The following BAIAP2 variants were observed in gnomAD, a reference collection of about 807,000 sequenced individuals.
BAIAP2 encodes the protein BAR/IMD domain-containing adapter protein 2.
BAIAP2 carries 18 observed loss-of-function variants against 63.0 expected under a neutral mutation model. That is an observed-to-expected ratio of 0.29 (90% CI 0.20 to 0.42). BAIAP2 has a LOEUF of 0.42. Ranked by LOEUF, BAIAP2 falls within the 10% of genes least tolerant of loss-of-function variation. The probability of loss-of-function intolerance (pLI) is 1.00; values close to 1 mark genes in which losing one functional copy is unlikely to be tolerated. For missense variants in BAIAP2, 610 were observed against 734.3 expected, an observed-to-expected ratio of 0.83 and a Z score of 1.96; for synonymous variants, 386 against 307.6, an observed-to-expected ratio of 1.25 and a Z score of -2.67.
intron 2 of BAIAP2, among the ~76,000 whole-genome samples, chr17:81,056,209 A>C (rs962386145): frequency 2.6e-5 from 4 of 152,188 alleles, no homozygotes; most frequent in African/African-American, 9.7e-5. Context: ...ATCTCTAGGC[A>C]CAGCACACGA....
chr17:81,068,281 T>C (rs1598614149), intron 3 of BAIAP2, among the ~76,000 whole-genome samples: 2 of 152,190 alleles, frequency 1.3e-5, no homozygotes, highest in South Asian at 4.1e-4. Context: ...TCCTGGTCAA[T>C]AATCAGTGAG....
chr17:81,050,310 C>T (rs1598522736), intron 1 of BAIAP2, among the ~76,000 whole-genome samples: 1 of 152,260 alleles, frequency 6.6e-6, no homozygotes, highest in East Asian at 1.9e-4. Context: ...CCGCCCCTCT[C>T]TTGCAGATGG....
Position 81,116,763 on chromosome 17 carries a change from T to C in BAIAP2, c.*924T>C, listed in dbSNP as rs913120818. The C allele has an allele frequency of 1.1e-5, 2 of 182,586 alleles. No homozygotes were observed. The highest frequency in any genetic ancestry group is 4.7e-5 in the African/African-American group (2 of 42,968). 11.3% of individuals were successfully genotyped at this position (182,586 alleles called of 1,614,324 possible). A position where few individuals can be genotyped will look rare whatever the true frequency, so the allele number is the denominator to read the frequency against. ...CTGTTTGTTTGTTTGTTAGGTGAAA[T>C]ACAGTGTGGTGAGCTGCACTGGTGA... On this transcript the variant is annotated 3_prime_UTR_variant, in exon 14 of 14. Coordinates refer to ENST00000428708, the MANE Select transcript of BAIAP2 (RefSeq NM_001144888.2).
At chr17:81,092,777 C>T (rs1047104303) in intron 6 of BAIAP2, among the ~76,000 whole-genome samples, 1 of 152,168 alleles carries the variant, frequency 6.6e-6, no homozygotes, top group Non-Finnish European at 1.5e-5. Flanking sequence ...TGCTGACAGA[C>T]GTGCCCGTCT....
chr17:81,091,491 C>G (rs1002100116), intron 6 of BAIAP2, among the ~76,000 whole-genome samples: 1 of 152,136 alleles, frequency 6.6e-6, no homozygotes, highest in African/African-American at 2.4e-5. Flanking sequence ...AGATCCCTGC[C>G]TCGGTCCCTG....
chr17:81,049,756 G>C (rs530567341), intron 1 of BAIAP2, among the ~76,000 whole-genome samples: 1 of 152,220 alleles, frequency 6.6e-6, no homozygotes, highest in African/African-American at 2.4e-5. Flanking sequence ...GCCCCCACCT[G>C]GGGACCCCCA....
chr17:81,040,190 G>C (rs1365989829), intron 1 of BAIAP2, among the ~76,000 whole-genome samples: 2 of 152,230 alleles, frequency 1.3e-5, no homozygotes, highest in East Asian at 3.8e-4. Flanking sequence ...TCTGCCCTGT[G>C]TTGCCTTCCC....
At chr17:81,085,356 C>T (rs71373060) in intron 4 of BAIAP2, 31 of 582,370 alleles carry the variant, frequency 5.3e-5, no homozygotes, top group African/African-American at 7.4e-5. Context: ...CAGCCTGTGT[C>T]GCAGTGATCC....
At chr17:81,036,808 G>A (rs935925525) in intron 1 of BAIAP2, 42 of 1,407,602 alleles carry the variant, frequency 3.0e-5, no homozygotes, top group South Asian at 1.1e-4. Flanking sequence ...TCAAGGGAGG[G>A]AGGTTTATTA....
intron 10 of BAIAP2, chr17:81,105,473 G>A (rs1205145873): frequency 1.3e-5 from 2 of 153,488 alleles, no homozygotes; most frequent in African/African-American, 4.8e-5. Context: ...CCAGTTTGGA[G>A]TTCTAGAAGT....
In BAIAP2 at chr17:81,053,728, G is replaced by T. The variant is rs762949363; in HGVS notation, c.115G>T (p.Glu39Ter). 1 of 1,614,134 alleles carries T rather than the reference G, an allele frequency of 6.2e-7. No homozygotes were observed. The change falls in exon 2 of 14, where the codon GAG becomes TAG. Residue 39 changes from glutamate to a stop codon, truncating the protein, a stop_gained. Coordinates refer to ENST00000428708, the MANE Select transcript of BAIAP2 (RefSeq NM_001144888.2). LOFTEE classifies it high-confidence loss of function. ...CTTCATCGCCATGGGGAAGAATTACGAGAAGGCACTGGCAGGTGGAACTGC... is the reference window on the plus strand; with the variant it reads ...CTTCATCGCCATGGGGAAGAATTACTAGAAGGCACTGGCAGGTGGAACTGC... Reference protein sequence around the residue: ...RNFIAMGKNYEKALAGVTYAA... With the variant: ...RNFIAMGKNY
chr17:81,059,136 G>A (rs893277670), intron 3 of BAIAP2, among the ~76,000 whole-genome samples: 5 of 151,466 alleles, frequency 3.3e-5, no homozygotes, highest in South Asian at 2.1e-4. Context: ...CCCCCCCCAC[G>A]CCCCCACAGG....
At chr17:81,082,531 C>T (rs948119520) in intron 3 of BAIAP2, among the ~76,000 whole-genome samples, 2 of 152,218 alleles carry the variant, frequency 1.3e-5, no homozygotes, top group African/African-American at 4.8e-5. Context: ...GGGATCCTGC[C>T]AGCCCTGGGC....
chr17:81,105,287 C>T (rs1329426673), intron 10 of BAIAP2: 1 of 158,404 alleles, frequency 6.3e-6, no homozygotes, highest in Non-Finnish European at 1.4e-5. Flanking sequence ...CTCCCTGTGC[C>T]ACTCAGATTG....
At position 81,116,332 on chromosome 17, in the gene BAIAP2, C is replaced by A. The variant is rs747439747; in HGVS notation, c.*493C>A. The A allele has an allele frequency of 1.9e-6, 3 of 1,611,830 alleles. No individual in the cohort carries two copies. The highest frequency in any genetic ancestry group is 2.5e-6 in the Non-Finnish European group (3 of 1,179,558). ...CTTCCCGTAAGCACGTAATTCCCTG[C>A]AGGTCCGGCAGCTACACCTGGAGTG... On this transcript the variant is annotated 3_prime_UTR_variant, in exon 14 of 14. Transcript: ENST00000428708.
At chr17:81,037,831 G>GC (rs2046494631) in intron 1 of BAIAP2, among the ~76,000 whole-genome samples, 1 of 152,270 alleles carries the variant, frequency 6.6e-6, no homozygotes, top group African/African-American at 2.4e-5. Context: ...AAAGGAGGAC[G>GC]CTTGTCCTTG....
At chr17:81,050,170 TGCA>T (rs1292708467) in intron 1 of BAIAP2, among the ~76,000 whole-genome samples, 2 of 152,192 alleles carry the variant, frequency 1.3e-5, no homozygotes, top group Non-Finnish European at 2.9e-5. Context: ...TGGATGCAGA[TGCA>T]GAAGGAGGAA....
At chr17:81,063,646 A>G (rs2050969183) in intron 3 of BAIAP2, 1 of 152,364 alleles carries the variant, frequency 6.6e-6, no homozygotes, top group Non-Finnish European at 1.5e-5. Flanking sequence ...AGGCTGTGTT[A>G]TTAAGTGCGT....
chr17:81,038,677 G>A (rs1383820628), intron 1 of BAIAP2, among the ~76,000 whole-genome samples: 1 of 152,234 alleles, frequency 6.6e-6, no homozygotes, highest in East Asian at 1.9e-4. Context: ...AAGGGCTGGC[G>A]CCAGGTGGTG....
Sources: gnomAD v4.1 joint callset for allele counts (sites outside exome capture counted in the v4.1 genomes callset) on GRCh38, gnomAD v4.1.1 for gene constraint, MANE v1.5 for transcripts, NCBI Gene and HGNC (gene_info 2026-07-23, HGNC 2026-07-21) for gene names.